The following KCND2 variants were observed in gnomAD, a reference collection of about 807,000 sequenced individuals.
KCND2 encodes the protein potassium voltage-gated channel subfamily D member 2.
KCND2 carries 16 observed loss-of-function variants against 54.4 expected under a neutral mutation model. That is an observed-to-expected ratio of 0.29 (90% confidence interval 0.20 to 0.45). KCND2 has a LOEUF of 0.45. Among genes scored for constraint, KCND2 ranks in the 20% least tolerant of loss-of-function variants. The probability of loss-of-function intolerance (pLI) is 1.00; values close to 1 mark genes in which losing one functional copy is unlikely to be tolerated. For synonymous variants in KCND2, 317 were observed against 310.7 expected, an observed-to-expected ratio of 1.02 and a Z score of -0.21; for missense variants, 486 against 824.2, an observed-to-expected ratio of 0.59 and a Z score of 5.02.
chr7:120,698,495 A>C (rs147416258), intron 1 of KCND2, among the ~76,000 whole-genome samples: 2 of 152,360 alleles, frequency 1.3e-5, no homozygotes, highest in East Asian at 3.9e-4. Flanking sequence ...GATACATATA[A>C]AACAGTAAGA....
chr7:120,559,462 C>A (rs760158508), intron 1 of KCND2, among the ~76,000 whole-genome samples: 1 of 152,150 alleles, frequency 6.6e-6, no homozygotes, highest in Non-Finnish European at 1.5e-5. Context: ...TTCTGAAGAT[C>A]ATCCAGGTAG....
In KCND2 at chr7:120,326,706, T is replaced by C. The variant is rs74610976; in HGVS notation, c.1115+50959T>C. On this transcript the variant is annotated intron_variant, in intron 1 of 5. Coordinates refer to ENST00000331113, the MANE Select transcript of KCND2 (RefSeq NM_012281.3). ...CATGTTCTGCAAATATGTATGGAAA[T>C]ATAAATATTTGTATTTGTTTGTCTT... Among the ~76,000 whole-genome samples, 606 of 152,240 alleles carry C rather than the reference T, an allele frequency of 4.0e-3. 6 individuals are homozygous for C. The highest frequency in any genetic ancestry group is 0.039 in the East Asian group (203 of 5,184).
At chr7:120,706,589 T>C (rs915050297) in intron 1 of KCND2, among the ~76,000 whole-genome samples, 22 of 152,142 alleles carry the variant, frequency 1.4e-4, no homozygotes, top group Non-Finnish European at 1.0e-4. Flanking sequence ...GCCTCCTCTT[T>C]TAATGCTATC....
At chr7:120,622,713 TCTCACA>T (rs1423356308) in intron 1 of KCND2, among the ~76,000 whole-genome samples, 9 of 133,192 alleles carry the variant, frequency 6.8e-5, no homozygotes, top group African/African-American at 1.9e-4. Flanking sequence ...TCTCTCTCTC[TCTCACA>T]CACACACACA....
intron 1 of KCND2, among the ~76,000 whole-genome samples, chr7:120,416,602 A>T (rs10238570): frequency 0.061 from 9,305 of 152,212 alleles, 865 homozygotes; most frequent in African/African-American, 0.21. Flanking sequence ...TATATGCCTG[A>T]CCCAGTGTAT....
rs1261343350 is a variant in KCND2, at chr7:120,273,515, C to T, written c.-1118C>T. Among the ~76,000 whole-genome samples the T allele has an allele frequency of 2.6e-5, 4 of 151,946 alleles. No homozygotes were observed. Among genetic ancestry groups the T allele is most frequent in the Admixed American group, 6.6e-5 (1 of 15,266 alleles). On this transcript the variant is annotated 5_prime_UTR_variant, in exon 1 of 6. Coordinates refer to ENST00000331113, the MANE Select transcript of KCND2 (RefSeq NM_012281.3). ...CAGGAGCGAGTCCCCTCCGTTCTCGCCTCCCCCGCACCTTTTGAACTTGTT... is the reference window on the plus strand; with the variant it reads ...CAGGAGCGAGTCCCCTCCGTTCTCGTCTCCCCCGCACCTTTTGAACTTGTT...
chr7:120,682,768 A>G (rs1792155640), intron 1 of KCND2, among the ~76,000 whole-genome samples: 1 of 152,178 alleles, frequency 6.6e-6, no homozygotes, highest in Admixed American at 6.6e-5. Flanking sequence ...GTATTTTAAG[A>G]AACAGTTGTT....
rs534099923 is a variant in KCND2 at position 120,670,017 on chromosome 7, G to T, written c.1116-62886G>T. 2.3e-4 allele frequency among the ~76,000 whole-genome samples: 35 copies of T among 152,068 alleles called. No homozygotes were observed. In the South Asian group the frequency reaches 6.9e-3, roughly 30 times the overall value. ...GACCATAGTCTTCTTGAACTTAGAG[G>T]GGGTGAGGGATAAAAGGCTACATAT... On this transcript the variant is annotated intron_variant, in intron 1 of 5. Transcript: ENST00000331113.
intron 1 of KCND2, among the ~76,000 whole-genome samples, chr7:120,618,548 C>CT (rs200940670): frequency 0.023 from 3,387 of 146,134 alleles, 93 homozygotes; most frequent in African/African-American, 0.071. Flanking sequence ...AATTAACACT[C>CT]TTTTTTTTTT....
At chr7:120,678,738 GTATATA>G (rs66483423) in intron 1 of KCND2, among the ~76,000 whole-genome samples, 11,990 of 115,474 alleles carry the variant, frequency 0.1, 680 homozygotes, top group East Asian at 0.15. Context: ...GTGTGTGAGT[GTATATA>G]TATATATATA....
chr7:120,299,745 A>G (rs1194437027), intron 1 of KCND2, among the ~76,000 whole-genome samples: 2 of 152,172 alleles, frequency 1.3e-5, no homozygotes, highest in African/African-American at 2.4e-5. Flanking sequence ...AGAAAGGAAA[A>G]GAGGCAAAGT....
At chr7:120,640,038 TG>T (rs1314709881) in intron 1 of KCND2, among the ~76,000 whole-genome samples, 1 of 152,184 alleles carries the variant, frequency 6.6e-6, no homozygotes, top group East Asian at 1.9e-4. Context: ...ATATTTTAAA[TG>T]TATCTTTTTA....
In KCND2 at chr7:120,642,579, T is replaced by A. The variant is rs374649785; in HGVS notation, c.1116-90324T>A. ...AATAAAAATAAAAAATAAAAAAAAA[T>A]ATATATATATATGTAGATATAATTA... On this transcript the variant is annotated intron_variant, in intron 1 of 5. Transcript: ENST00000331113. Among the ~76,000 whole-genome samples, 950 of 147,244 alleles carry A rather than the reference T, an allele frequency of 6.5e-3. 4 individuals carry two copies. Among genetic ancestry groups the A allele is most frequent in the South Asian group, 8.9e-3 (42 of 4,732 alleles).
intron 1 of KCND2, among the ~76,000 whole-genome samples, chr7:120,335,177 A>G (rs1351090656): frequency 1.3e-5 from 2 of 151,964 alleles, no homozygotes; most frequent in Non-Finnish European, 2.9e-5. Flanking sequence ...CCAGACTGCA[A>G]CATGGTGAAA....
intron 1 of KCND2, among the ~76,000 whole-genome samples, chr7:120,327,235 T>C (rs541337753): frequency 6.6e-6 from 1 of 152,162 alleles, no homozygotes; most frequent in East Asian, 1.9e-4. Flanking sequence ...CCTATTAGCA[T>C]AAAAGGTCTT....
intron 1 of KCND2, among the ~76,000 whole-genome samples, chr7:120,293,711 T>C (rs1464425803): frequency 6.6e-6 from 1 of 151,946 alleles, no homozygotes; most frequent in Non-Finnish European, 1.5e-5. Flanking sequence ...CAGCTCTGCT[T>C]AACATATATT....
chr7:120,333,106 G>A (rs1449568921), intron 1 of KCND2, among the ~76,000 whole-genome samples: 1 of 152,078 alleles, frequency 6.6e-6, no homozygotes, highest in Non-Finnish European at 1.5e-5. Flanking sequence ...TGAGTCTGGA[G>A]AACAGAGATC....
intron 1 of KCND2, among the ~76,000 whole-genome samples, chr7:120,550,428 C>T (rs552640935): frequency 6.6e-6 from 1 of 152,192 alleles, no homozygotes; most frequent in East Asian, 1.9e-4. Flanking sequence ...CACCCCATTT[C>T]ATATTTTGCT....
intron 1 of KCND2, among the ~76,000 whole-genome samples, chr7:120,596,930 G>A (rs1385477035): frequency 6.6e-6 from 1 of 152,194 alleles, no homozygotes; most frequent in Non-Finnish European, 1.5e-5. Context: ...CTGTGCTGAA[G>A]AATATATATC....
Sources: allele counts gnomAD v4.1 joint callset (sites outside exome capture counted in the v4.1 genomes callset), GRCh38; gene constraint gnomAD v4.1.1; transcripts MANE v1.5; gene names NCBI Gene and HGNC (gene_info 2026-07-23, HGNC 2026-07-21).